The following CHRM2 variants were observed in gnomAD, a reference collection of about 807,000 sequenced individuals.
CHRM2 encodes cholinergic receptor muscarinic 2.
Under a neutral mutation model 25.0 loss-of-function variants are expected in CHRM2, and 8 were observed. That is an observed-to-expected ratio of 0.32 (90% confidence interval 0.19 to 0.58). CHRM2 has a LOEUF of 0.58. Ranked by LOEUF, CHRM2 falls within the 20% of genes least tolerant of loss-of-function variation. CHRM2 has a pLI of 0.88. For missense variants in CHRM2, 440 were observed against 567.1 expected (o/e 0.78, Z 2.28); for synonymous variants, 202 against 205.7 (o/e 0.98, Z 0.15).
At chr7:136,978,025 T>C (rs1018433525) in intron 2 of CHRM2, among the ~76,000 whole-genome samples, 2 of 83,860 alleles carry the variant, frequency 2.4e-5, no homozygotes, top group African/African-American at 7.4e-5. Context: ...TTATTTTTGT[T>C]GAAACTTAAT....
chr7:136,903,909 CAT>C (rs1286858520), intron 2 of CHRM2, among the ~76,000 whole-genome samples: 1 of 151,428 alleles, frequency 6.6e-6, no homozygotes, highest in Non-Finnish European at 1.5e-5. Flanking sequence ...TTGGAATTAT[CAT>C]ATATATATAT....
intron 2 of CHRM2, among the ~76,000 whole-genome samples, chr7:136,923,921 C>T (rs76246397): frequency 0.015 from 2,209 of 152,126 alleles, 48 homozygotes; most frequent in African/African-American, 0.051. Flanking sequence ...ACTTAGGTGG[C>T]AGGATCATTT....
At position 136,994,521 on chromosome 7, in the gene CHRM2, C is replaced by CTTTTTTTTT. The variant is rs757243972; in HGVS notation, c.-47+2275_-47+2283dup. On this transcript the variant is annotated intron_variant, in intron 3 of 3. Coordinates refer to ENST00000680005, the MANE Select transcript of CHRM2 (RefSeq NM_001006630.2). ...GTGCTTTCTGCTCTTTTTTTCTTTTCTTTTTTTTTTTTTTTTTTTTTTTTT... is the reference window on the plus strand; with the variant it reads ...GTGCTTTCTGCTCTTTTTTTCTTTTCTTTTTTTTTTTTTTTTTTTTTTTTTTTTTTTTTT... Among the ~76,000 whole-genome samples, 56 of 71,404 alleles carry CTTTTTTTTT rather than the reference C, an allele frequency of 7.8e-4. 4 individuals carry two copies. The highest frequency in any genetic ancestry group is 1.4e-3 in the African/African-American group (25 of 17,584). The allele number at this position is 71,404 out of a possible 152,430, so 46.8% of individuals were successfully genotyped here.
chr7:136,953,678 T>C (rs1194271477), intron 2 of CHRM2, among the ~76,000 whole-genome samples: 4 of 151,054 alleles, frequency 2.6e-5, no homozygotes, highest in Admixed American at 6.6e-5. Context: ...GAAACAGACA[T>C]GCAAACCAAA....
chr7:136,961,078 T>A (rs1801045597), intron 2 of CHRM2, among the ~76,000 whole-genome samples: 1 of 151,874 alleles, frequency 6.6e-6, no homozygotes, highest in South Asian at 2.1e-4. Flanking sequence ...CGAGCCAAGA[T>A]GGCGCCACTG....
At chr7:136,969,266 T>C (rs867512392) in intron 2 of CHRM2, among the ~76,000 whole-genome samples, 1 of 152,190 alleles carries the variant, frequency 6.6e-6, no homozygotes, top group Non-Finnish European at 1.5e-5. Context: ...AGAATGATAA[T>C]GGTACCAATA....
chr7:136,911,695 TTCAAA>T (rs1797850902), intron 2 of CHRM2, among the ~76,000 whole-genome samples: 1 of 151,998 alleles, frequency 6.6e-6, no homozygotes, highest in Admixed American at 6.6e-5. Context: ...TTTTTCCGTT[TTCAAA>T]CCTGTTTACA....
chr7:136,974,643 T>C (rs2130945560), intron 2 of CHRM2, among the ~76,000 whole-genome samples: 1 of 152,262 alleles, frequency 6.6e-6, no homozygotes. Flanking sequence ...AGGAATAATG[T>C]AGTGTGGGAG....
chr7:136,933,286 A>T (rs1321607723), intron 2 of CHRM2, among the ~76,000 whole-genome samples: 6 of 152,208 alleles, frequency 3.9e-5, no homozygotes. Flanking sequence ...TCCAAAGGAG[A>T]TAAACAAATG....
chr7:136,924,676 C>T (rs1319073109), intron 2 of CHRM2, among the ~76,000 whole-genome samples: 2 of 152,064 alleles, frequency 1.3e-5, no homozygotes, highest in African/African-American at 4.8e-5. Flanking sequence ...AGGCAGACTC[C>T]CCATACAACA....
At chr7:136,955,764 T>C (rs573491410) in intron 2 of CHRM2, among the ~76,000 whole-genome samples, 6 of 152,294 alleles carry the variant, frequency 3.9e-5, no homozygotes, top group Admixed American at 3.9e-4. Flanking sequence ...TTAGTACTAA[T>C]TTTTGAAAAA....
chr7:136,998,162 A>G (rs1209566722), intron 3 of CHRM2, among the ~76,000 whole-genome samples: 1 of 152,212 alleles, frequency 6.6e-6, no homozygotes, highest in East Asian at 1.9e-4. Context: ...AATTAGTTCA[A>G]GCTCATACGT....
intron 2 of CHRM2, among the ~76,000 whole-genome samples, chr7:136,917,075 C>G (rs986384533): frequency 4.0e-5 from 6 of 151,604 alleles, no homozygotes; most frequent in African/African-American, 1.5e-4. Flanking sequence ...CTCCTTTTTG[C>G]AAATAAGCGT....
intron 2 of CHRM2, among the ~76,000 whole-genome samples, chr7:136,895,151 T>A (rs1182589159): frequency 1.3e-5 from 2 of 152,220 alleles, no homozygotes; most frequent in African/African-American, 4.8e-5. Context: ...TTTATAGTTA[T>A]ACAAAGTATT....
chr7:136,935,263 A>G (rs994711690), intron 2 of CHRM2, among the ~76,000 whole-genome samples: 1 of 152,128 alleles, frequency 6.6e-6, no homozygotes, highest in African/African-American at 2.4e-5. Flanking sequence ...CCTCAGAAAC[A>G]TACCTGTACA....
intron 2 of CHRM2, among the ~76,000 whole-genome samples, chr7:136,937,119 G>T (rs959431601): frequency 6.6e-6 from 1 of 152,104 alleles, no homozygotes; most frequent in Admixed American, 6.5e-5. Flanking sequence ...AATTTGACTG[G>T]AATAAAAATA....
intron 2 of CHRM2, among the ~76,000 whole-genome samples, chr7:136,896,893 G>T (rs1489973663): frequency 6.6e-6 from 1 of 152,006 alleles, no homozygotes; most frequent in African/African-American, 2.4e-5. Context: ...TCAAAACAGA[G>T]ATATGATTGA....
At chr7:137,007,362 G>A (rs1804512359) in intron 3 of CHRM2, among the ~76,000 whole-genome samples, 1 of 152,090 alleles carries the variant, frequency 6.6e-6, no homozygotes, top group South Asian at 2.1e-4. Context: ...CACAGCCCTT[G>A]AGGGCATGTG....
chr7:136,959,825 C>A (rs1394959532), intron 2 of CHRM2, among the ~76,000 whole-genome samples: 3 of 152,094 alleles, frequency 2.0e-5, no homozygotes, highest in African/African-American at 7.2e-5. Context: ...GCAGGAGAAT[C>A]GCTTGAACCT....
Sources: allele counts gnomAD v4.1 joint callset (sites outside exome capture counted in the v4.1 genomes callset), GRCh38; gene constraint gnomAD v4.1.1; transcripts MANE v1.5; gene names NCBI Gene and HGNC (gene_info 2026-07-23, HGNC 2026-07-21).